The following CLVS1 variants were observed in gnomAD, a reference collection of about 807,000 sequenced individuals.
CLVS1 encodes the protein clavesin 1, also known as clavesin-1.
In CLVS1, 10 loss-of-function variants were observed where a neutral mutation model predicts 33.1. The observed-to-expected ratio is 0.30, with a 90% CI of 0.19 to 0.51. The LOEUF (loss-of-function observed/expected upper bound fraction) is 0.51. CLVS1 is among the 20% of genes least tolerant of loss of function. The probability of loss-of-function intolerance (pLI) is 0.97; values close to 1 mark genes in which losing one functional copy is unlikely to be tolerated. For missense variants in CLVS1, 343 were observed against 433.4 expected (o/e 0.79, Z 1.85); for synonymous variants, 163 against 166.1 (o/e 0.98, Z 0.14).
At chr8:61,494,428 C>A (rs1402419886) in intron 5 of CLVS1, among the ~76,000 whole-genome samples, 5 of 152,168 alleles carry the variant, frequency 3.3e-5, no homozygotes, top group Non-Finnish European at 7.3e-5. Context: ...AATCACTCCC[C>A]TGCCTGACCT....
intron 3 of CLVS1, among the ~76,000 whole-genome samples, chr8:61,404,863 A>G (rs1461493139): frequency 6.6e-6 from 1 of 152,170 alleles, no homozygotes; most frequent in African/African-American, 2.4e-5. Flanking sequence ...GGGCCCCAAG[A>G]TGAACACCAT....
chr8:61,210,809 T>C (rs1807954569), intron 2 of CLVS1, among the ~76,000 whole-genome samples: 1 of 152,186 alleles, frequency 6.6e-6, no homozygotes, highest in Non-Finnish European at 1.5e-5. Flanking sequence ...ACACTAGGAC[T>C]GGATGTATAG....
intron 2 of CLVS1, among the ~76,000 whole-genome samples, chr8:61,315,712 A>T (rs57118166): frequency 1.5e-3 from 230 of 152,068 alleles, no homozygotes; most frequent in African/African-American, 5.3e-3. Context: ...AATAAGTGGC[A>T]CCCCTTAACC....
At chr8:61,301,465 C>T (rs972391516) in intron 2 of CLVS1, among the ~76,000 whole-genome samples, 23 of 152,272 alleles carry the variant, frequency 1.5e-4, no homozygotes, top group Admixed American at 2.6e-4. Context: ...TTTTCTCAGG[C>T]GCCCCACCTC....
the CLVS1 span, among the ~76,000 whole-genome samples, chr8:61,030,488 G>A: frequency 6.6e-6 from 1 of 151,972 alleles, no homozygotes; most frequent in African/African-American, 2.4e-5. Context: ...TGCACACATG[G>A]GCATATTCTA....
At chr8:61,072,943 T>C (rs1224784150) in intron 1 of CLVS1, among the ~76,000 whole-genome samples, 1 of 152,226 alleles carries the variant, frequency 6.6e-6, no homozygotes, top group Non-Finnish European at 1.5e-5. Context: ...TCTATAATCT[T>C]TTTTTGTATG....
intron 2 of CLVS1, among the ~76,000 whole-genome samples, chr8:61,304,002 G>T (rs1408116691): frequency 6.6e-6 from 1 of 152,196 alleles, no homozygotes; most frequent in Non-Finnish European, 1.5e-5. Context: ...ACTACGGCAT[G>T]CCCATCCTAA....
chr8:61,332,669 C>G (rs1199597198), intron 2 of CLVS1, among the ~76,000 whole-genome samples: 4 of 152,052 alleles, frequency 2.6e-5, no homozygotes, highest in Admixed American at 1.3e-4. Flanking sequence ...GAGACAGAGT[C>G]TCTCTCTGTT....
At chr8:61,205,971 CAA>C (rs1563444600) in intron 2 of CLVS1, among the ~76,000 whole-genome samples, 1 of 152,016 alleles carries the variant, frequency 6.6e-6, no homozygotes. Context: ...CCTGTAAGCT[CAA>C]AAGAGTGTAG....
At chr8:61,200,456 G>A (rs573764706) in intron 2 of CLVS1, among the ~76,000 whole-genome samples, 32 of 152,308 alleles carry the variant, frequency 2.1e-4, no homozygotes, top group African/African-American at 5.5e-4. Flanking sequence ...ACAATGCATC[G>A]TTCCATATGC....
At position 61,179,173 on chromosome 8, in the gene CLVS1, A is replaced by C. The variant is rs148198961; in HGVS notation, c.-152+47313A>C. Among the ~76,000 whole-genome samples the C allele has an allele frequency of 1.4e-3, 210 of 152,206 alleles. 2 individuals are homozygous for C. The East Asian group carries it at 0.024, about 18-fold the overall frequency. The stretch of plus-strand genomic sequence containing the variant: ...GAAAATTTGGCAAGCAAATGGAAAG[A>C]AAAAAAAGCAGGGGTTGCAATCCTA... On this transcript the variant is annotated intron_variant, in intron 2 of 2. Coordinates refer to the CLVS1 transcript ENST00000522621.
At chr8:61,494,111 G>C (rs1340893642) in intron 5 of CLVS1, among the ~76,000 whole-genome samples, 1 of 152,166 alleles carries the variant, frequency 6.6e-6, no homozygotes, top group Admixed American at 6.6e-5. Flanking sequence ...GTAGGTCTGT[G>C]CAGAATGGAC....
intron 5 of CLVS1, among the ~76,000 whole-genome samples, chr8:61,470,177 T>G (rs1380279811): frequency 1.3e-5 from 2 of 152,184 alleles, no homozygotes; most frequent in East Asian, 3.8e-4. Flanking sequence ...GTGGCATAAA[T>G]GAAAGGACCA....
chr8:61,329,498 T>C (rs376329756), intron 2 of CLVS1, among the ~76,000 whole-genome samples: 15 of 152,172 alleles, frequency 9.9e-5, no homozygotes, highest in African/African-American at 3.4e-4. Context: ...CATTTCAAAA[T>C]AGCTGGAAGA....
At chr8:61,021,652 C>T in the CLVS1 span, among the ~76,000 whole-genome samples, 3 of 152,020 alleles carry the variant, frequency 2.0e-5, no homozygotes, top group African/African-American at 2.4e-5. Context: ...TGAGCGCACC[C>T]GGCCTCCATG....
chr8:61,031,872 G>C, the CLVS1 span, among the ~76,000 whole-genome samples: 1 of 152,182 alleles, frequency 6.6e-6, no homozygotes, highest in African/African-American at 2.4e-5. Flanking sequence ...AAAATGGGGC[G>C]GGGTGGGGGA....
the CLVS1 span, among the ~76,000 whole-genome samples, chr8:61,034,568 G>A: frequency 4.6e-5 from 7 of 152,060 alleles, no homozygotes; most frequent in Admixed American, 1.3e-4. Flanking sequence ...TCCCCTCTCT[G>A]CTTGTATGCA....
At chr8:61,441,823 A>G (rs999219158) in intron 3 of CLVS1, among the ~76,000 whole-genome samples, 3 of 152,238 alleles carry the variant, frequency 2.0e-5, no homozygotes, top group African/African-American at 7.2e-5. Flanking sequence ...TGCCCATTAA[A>G]AAATGAAGTG....
intron 2 of CLVS1, among the ~76,000 whole-genome samples, chr8:61,245,840 G>T (rs951165526): frequency 6.6e-6 from 1 of 151,732 alleles, no homozygotes; most frequent in Non-Finnish European, 1.5e-5. Context: ...GTGATCATCG[G>T]TCATTGACAC....
Sources: gnomAD v4.1 joint callset for allele counts (sites outside exome capture counted in the v4.1 genomes callset) on GRCh38, gnomAD v4.1.1 for gene constraint, MANE v1.5 for transcripts, NCBI Gene and HGNC (gene_info 2026-07-23, HGNC 2026-07-21) for gene names.